The following CRK variants were observed in gnomAD, a reference collection of about 807,000 sequenced individuals.
The protein encoded by CRK is adapter molecule crk.
Under a neutral mutation model 29.8 loss-of-function variants are expected in CRK, and 4 were observed. The observed-to-expected ratio is 0.13, with a 90% CI of 0.07 to 0.31. The LOEUF (loss-of-function observed/expected upper bound fraction) is 0.31. CRK is among the 10% of genes least tolerant of loss of function. CRK has a pLI of 1.00. For synonymous variants in CRK, 153 were observed against 164.9 expected (o/e 0.93, Z 0.55); for missense variants, 274 against 396.5 (o/e 0.69, Z 2.62).
At chr17:1,439,271 G>GT (rs1162964863) in intron 1 of CRK, among the ~76,000 whole-genome samples, 2 of 151,922 alleles carry the variant, frequency 1.3e-5, no homozygotes, top group African/African-American at 2.4e-5. Flanking sequence ...AATTTTTTTT[G>GT]TATTTTTAAT....
Position 1,436,922 on chromosome 17 carries a change from A to G in CRK, c.475T>C (p.Leu159=), listed in dbSNP as rs763612373. Residue 159 remains leucine (L), a synonymous_variant, in exon 2 of 3, where the codon TTG becomes CTG. Coordinates refer to ENST00000300574, the MANE Select transcript of CRK (RefSeq NM_016823.4). ...TCTTCAGGCTTGTCCCGGATTCTCA[A>G]GATGTCTCCTTTCTTAAAGGGAAGA... ...EDLPFKKGDI[L]RIRDKPEEQW... is the part of the protein sequence containing the mutation. 1.9e-6 allele frequency: 3 copies of G among 1,614,036 alleles called. No individual in the cohort carries two copies. In the African/African-American group the frequency reaches 4.0e-5, roughly 22 times the overall value.
At chr17:1,429,732 C>T (rs2073819822) in intron 2 of CRK, among the ~76,000 whole-genome samples, 1 of 151,856 alleles carries the variant, frequency 6.6e-6, no homozygotes, top group African/African-American at 2.4e-5. Context: ...AGTTCAAGAT[C>T]AGTCTAGGTT....
At position 1,448,620 on chromosome 17, in the gene CRK, C is replaced by CAAAA. The variant is rs1292024313; in HGVS notation, c.241+7253_241+7256dup. 4.9e-3 allele frequency among the ~76,000 whole-genome samples: 158 copies of CAAAA among 32,354 alleles called. 17 individuals carry two copies. The highest frequency in any genetic ancestry group is 0.025 in the African/African-American group (143 of 5,710). 21.2% of individuals were successfully genotyped at this position (32,354 alleles called of 152,430 possible). A position where few individuals can be genotyped will look rare whatever the true frequency, so the allele number is the denominator to read the frequency against. ...CCTGGGTGAGAGCAAGACTCCATCT[C>CAAAA]AAAAAAAAAAAAAAAAAAAAAAGAA... On this transcript the variant is annotated intron_variant, in intron 1 of 2. Coordinates refer to ENST00000300574, the MANE Select transcript of CRK (RefSeq NM_016823.4).
intron 1 of CRK, among the ~76,000 whole-genome samples, chr17:1,442,605 TC>T (rs2073943692): frequency 8.5e-6 from 1 of 118,196 alleles, no homozygotes; most frequent in Non-Finnish European, 2.0e-5. Flanking sequence ...TGTGAAAGGG[TC>T]TTTTTTTTTT....
At chr17:1,448,328 C>G (rs1034570539) in intron 1 of CRK, among the ~76,000 whole-genome samples, 1 of 151,916 alleles carries the variant, frequency 6.6e-6, no homozygotes. Flanking sequence ...AAATAAAGTT[C>G]CTAAAGTGGC....
intron 2 of CRK, among the ~76,000 whole-genome samples, 167 bp from the exon 3 acceptor site, chr17:1,423,817 G>A (rs2073750553): frequency 1.3e-5 from 2 of 152,174 alleles, no homozygotes; most frequent in South Asian, 4.1e-4. Context: ...ATTACTTGTG[G>A]TTAATGCAGG....
rs60236552 is a variant in CRK, at chr17:1,433,509, C to CTTTTTTTTT, written c.777+3102_777+3110dup. Among the ~76,000 whole-genome samples the CTTTTTTTTT allele has an allele frequency of 2.4e-4, 14 of 58,604 alleles. 1 individual carries two copies. Among genetic ancestry groups the CTTTTTTTTT allele is most frequent in the African/African-American group, 6.5e-4 (12 of 18,574 alleles). 38.4% of individuals were successfully genotyped at this position (58,604 alleles called of 152,430 possible). On this transcript the variant is annotated intron_variant, in intron 2 of 2. Transcript: ENST00000300574. ...CACAGGTGCACACCACCACGCCTGG[C>CTTTTTTTTT]TTTTTTTTTTTTTTTTTTTTTTTTT...
intron 1 of CRK, among the ~76,000 whole-genome samples, chr17:1,452,816 A>G (rs1445164098): frequency 8.6e-5 from 13 of 151,876 alleles, no homozygotes; most frequent in Admixed American, 8.5e-4. Context: ...AAAAAAAGAC[A>G]GCAACTGACC....
At chr17:1,452,984 T>C (rs1040217285) in intron 1 of CRK, among the ~76,000 whole-genome samples, 2 of 152,120 alleles carry the variant, frequency 1.3e-5, no homozygotes, top group African/African-American at 4.8e-5. Flanking sequence ...TGGATACGCC[T>C]GGAGTCCCAG....
Position 1,436,749 on chromosome 17 carries a change from C to T in CRK, c.648G>A (p.Pro216=), listed in dbSNP as rs764440545. 19 of 1,592,774 alleles carry T rather than the reference C, an allele frequency of 1.2e-5. 1 individual carries two copies. The East Asian group carries it at 1.3e-4, about 11-fold the overall frequency. The change falls in exon 2 of 3, where the codon CCG becomes CCA. Residue 216 remains proline (P), a synonymous_variant. Transcript: ENST00000300574. The stretch of plus-strand genomic sequence containing the variant: ...TGGGTTGGGCATAGGGCCCAGGCTC[C>T]GGCCCACCCAGTGGCTGTGGGTGGG... ...EGSHPQPLGG[P]EPGPYAQPSV...
intron 2 of CRK, among the ~76,000 whole-genome samples, chr17:1,425,732 A>C (rs2073772816): frequency 6.6e-6 from 1 of 152,144 alleles, no homozygotes; most frequent in African/African-American, 2.4e-5. Flanking sequence ...GCCTGACCTC[A>C]CTTACAGATG....
At position 1,456,056 on chromosome 17, in the gene CRK, T is replaced by G. The variant is rs765456902; in HGVS notation, c.62A>C (p.Gln21Pro). The G allele has an allele frequency of 6.3e-7, 1 of 1,593,552 alleles. No homozygotes were observed. Among genetic ancestry groups the G allele is most frequent in the Non-Finnish European group, 8.5e-7 (1 of 1,172,086 alleles). Residue 21 changes from glutamine (Q) to proline (P), a missense_variant, in exon 1 of 3, where the codon CAG becomes CCG. Around this residue, in one of 3 missense-constraint regions of CRK, gnomAD observed 135 missense variants for 180.9 expected, o/e 0.75. Coordinates refer to ENST00000300574, the MANE Select transcript of CRK (RefSeq NM_016823.4). Reference protein sequence around the residue: ...SSWYWGRLSRQEAVALLQGQR... With the variant: ...SSWYWGRLSRPEAVALLQGQR... ...GCCCTGCAGCAGCGCCACCGCCTCC[T>G]GCCGACTCAACCTCCCCCAGTACCA...
intron 1 of CRK, among the ~76,000 whole-genome samples, chr17:1,447,207 G>A (rs2073982231): frequency 6.6e-6 from 1 of 152,134 alleles, no homozygotes; most frequent in African/African-American, 2.4e-5. Context: ...GGAAATAGAA[G>A]GGCGGGAAAG....
intron 2 of CRK, among the ~76,000 whole-genome samples, chr17:1,429,543 G>C (rs990322022): frequency 2.0e-5 from 3 of 152,012 alleles, no homozygotes; most frequent in African/African-American, 7.3e-5. Context: ...CAAAGTGCTG[G>C]GATTATAGGC....
intron 1 of CRK, among the ~76,000 whole-genome samples, chr17:1,454,851 A>G (rs1395509987): frequency 6.6e-6 from 1 of 152,174 alleles, no homozygotes; most frequent in African/African-American, 2.4e-5. Context: ...AACAGTCCCA[A>G]ATCAACTCCA....
chr17:1,450,519 G>A (rs201371201), intron 1 of CRK, among the ~76,000 whole-genome samples: 1 of 150,052 alleles, frequency 6.7e-6, no homozygotes, highest in East Asian at 2.0e-4. Context: ...CTCAAAAAAA[G>A]AAAAAAAACA....
chr17:1,440,518 G>A (rs2073926932), intron 1 of CRK, among the ~76,000 whole-genome samples: 3 of 151,966 alleles, frequency 2.0e-5, no homozygotes, highest in Non-Finnish European at 4.4e-5. Flanking sequence ...AGTGGTTTAC[G>A]TCTGTAATCC....
chr17:1,448,518 G>A (rs1180251057), intron 1 of CRK, among the ~76,000 whole-genome samples: 2 of 151,096 alleles, frequency 1.3e-5, no homozygotes, highest in African/African-American at 2.4e-5. Flanking sequence ...AGCTGCTGGG[G>A]AGGCTGAGGC....
intron 1 of CRK, among the ~76,000 whole-genome samples, chr17:1,447,607 C>CTTTTT (rs34998406): frequency 4.2e-5 from 5 of 117,844 alleles, no homozygotes; most frequent in Admixed American, 9.5e-5. Flanking sequence ...TTCTCTTTTC[C>CTTTTT]TTTTTTTTTT....
Sources: allele counts gnomAD v4.1 joint callset (sites outside exome capture counted in the v4.1 genomes callset), GRCh38; gene constraint gnomAD v4.1.1; regional missense constraint gnomAD v4.1.1; transcripts MANE v1.5; gene names NCBI Gene and HGNC (gene_info 2026-07-23, HGNC 2026-07-21).